The following ABTB3 variants were observed in gnomAD, a reference collection of about 807,000 sequenced individuals.
ABTB3 encodes the protein ankyrin repeat and BTB domain containing 3.
the ABTB3 span, among the ~76,000 whole-genome samples, chr12:107,609,279 G>A: frequency 6.6e-6 from 1 of 152,226 alleles, no homozygotes; most frequent in African/African-American, 2.4e-5. Flanking sequence ...GCACAAACAG[G>A]TATTCAATAA....
At chr12:107,433,771 A>G in the ABTB3 span, among the ~76,000 whole-genome samples, 1 of 152,124 alleles carries the variant, frequency 6.6e-6, no homozygotes, top group African/African-American at 2.4e-5. Context: ...CAGCTGTCTT[A>G]CTCTGTTCTG....
the ABTB3 span, among the ~76,000 whole-genome samples, chr12:107,505,660 T>G: frequency 4.6e-5 from 7 of 152,292 alleles, no homozygotes; most frequent in South Asian, 1.5e-3. Context: ...TCATTAGTTC[T>G]TTTTCCTGAG....
At chr12:107,446,000 T>C in the ABTB3 span, among the ~76,000 whole-genome samples, 1 of 150,634 alleles carries the variant, frequency 6.6e-6, no homozygotes. Flanking sequence ...TCCAGAATAA[T>C]CTCCCCATCT....
the ABTB3 span, among the ~76,000 whole-genome samples, chr12:107,482,994 TTCC>T: frequency 9.4e-6 from 1 of 106,838 alleles, no homozygotes; most frequent in African/African-American, 4.9e-5. Flanking sequence ...CTTTCCTTCC[TTCC>T]TTCCTTCCTT....
the ABTB3 span, among the ~76,000 whole-genome samples, chr12:107,427,567 G>A: frequency 6.6e-6 from 1 of 152,052 alleles, no homozygotes; most frequent in African/African-American, 2.4e-5. Flanking sequence ...TTATAAGCAC[G>A]CTTGTGATTA....
the ABTB3 span, among the ~76,000 whole-genome samples, chr12:107,524,115 C>T: frequency 2.6e-5 from 4 of 152,224 alleles, no homozygotes; most frequent in Non-Finnish European, 2.9e-5. Flanking sequence ...ACAATTTGCT[C>T]TGTAAATTAA....
chr12:107,330,225 G>A, the ABTB3 span, among the ~76,000 whole-genome samples: 3 of 152,180 alleles, frequency 2.0e-5, no homozygotes, highest in Non-Finnish European at 4.4e-5. Context: ...GCCAGATTAA[G>A]CAGGCTTTTA....
At chr12:107,513,760 C>A in the ABTB3 span, among the ~76,000 whole-genome samples, 2 of 152,158 alleles carry the variant, frequency 1.3e-5, no homozygotes, top group Non-Finnish European at 2.9e-5. Context: ...AGGGGCCATC[C>A]TATACATCTA....
the ABTB3 span, among the ~76,000 whole-genome samples, chr12:107,406,984 CT>C: frequency 6.6e-6 from 1 of 152,140 alleles, no homozygotes; most frequent in Non-Finnish European, 1.5e-5. Flanking sequence ...TGCAATTTGG[CT>C]GCTTTTGACC....
chr12:107,376,421 C>T, the ABTB3 span, among the ~76,000 whole-genome samples: 1 of 151,932 alleles, frequency 6.6e-6, no homozygotes, highest in Non-Finnish European at 1.5e-5. Flanking sequence ...CTCCATGTCT[C>T]TGGATCAGGT....
chr12:107,594,687 T>C, the ABTB3 span, among the ~76,000 whole-genome samples: 18,180 of 152,014 alleles, frequency 0.12, 1,258 homozygotes, highest in African/African-American at 0.18. Context: ...AGTTTGACTA[T>C]GGCATTCTTG....
At chr12:107,339,888 A>G in the ABTB3 span, among the ~76,000 whole-genome samples, 2 of 152,298 alleles carry the variant, frequency 1.3e-5, no homozygotes, top group East Asian at 1.9e-4. Flanking sequence ...GTCACACTCA[A>G]ACACAAACCA....
At chr12:107,370,956 A>G in the ABTB3 span, among the ~76,000 whole-genome samples, 1 of 151,832 alleles carries the variant, frequency 6.6e-6, no homozygotes, top group South Asian at 2.1e-4. Context: ...ACCTCCTACT[A>G]TACGGCAGCC....
the ABTB3 span, among the ~76,000 whole-genome samples, chr12:107,334,104 C>T: frequency 3.9e-5 from 6 of 152,186 alleles, no homozygotes; most frequent in South Asian, 8.3e-4. Flanking sequence ...ACAGGGTCAC[C>T]GTAAGCCAGG....
chr12:107,581,352 C>T, the ABTB3 span: 4 of 1,275,256 alleles, frequency 3.1e-6, no homozygotes, highest in South Asian at 2.1e-5. Context: ...AGGGCTCCGG[C>T]CTCGCAGCCT....
chr12:107,521,468 G>A, the ABTB3 span, among the ~76,000 whole-genome samples: 2 of 152,038 alleles, frequency 1.3e-5, no homozygotes, highest in African/African-American at 4.8e-5. Flanking sequence ...AATTCTGACA[G>A]CTTTCACAAG....
At chr12:107,535,211 C>A in the ABTB3 span, among the ~76,000 whole-genome samples, 1 of 152,078 alleles carries the variant, frequency 6.6e-6, no homozygotes, top group African/African-American at 2.4e-5. Flanking sequence ...TCAATAGAGG[C>A]AGAAAATGCA....
At chr12:107,493,193 G>C in the ABTB3 span, among the ~76,000 whole-genome samples, 16 of 152,178 alleles carry the variant, frequency 1.1e-4, no homozygotes, top group African/African-American at 3.9e-4. Flanking sequence ...TCCCCACTCA[G>C]GGTCCTTGCA....
the ABTB3 span, chr12:107,580,764 C>CCG: frequency 7.0e-7 from 1 of 1,436,546 alleles, no homozygotes; most frequent in Non-Finnish European, 9.2e-7. Flanking sequence ...ACACGGGGCG[C>CCG]TGATTGGTTT....
Sources: gnomAD v4.1 joint callset for allele counts (sites outside exome capture counted in the v4.1 genomes callset) on GRCh38, gnomAD v4.1.1 for gene constraint, MANE v1.5 for transcripts, NCBI Gene and HGNC (gene_info 2026-07-23, HGNC 2026-07-21) for gene names.